The following PCDH11Y variants were observed in gnomAD, a reference collection of about 807,000 sequenced individuals.
The protein encoded by PCDH11Y is protocadherin 11 Y-linked.
For synonymous variants in PCDH11Y, 9 were observed against 83.6 expected, an observed-to-expected ratio of 0.11 and a Z score of 4.87; for missense variants, 12 against 224.8, an observed-to-expected ratio of 0.05 and a Z score of 6.05.
intron 4 of PCDH11Y, among the ~76,000 whole-genome samples, chrY:5,733,435 A>G (rs2053607188): frequency 3.5e-5 from 1 of 28,919 alleles, no homozygotes; most frequent in African/African-American, 1.4e-4. Flanking sequence ...CTGTAACCCT[A>G]TGTAGTTTCG....
At chrY:5,021,027 A>G (rs2052568852) in intron 1 of PCDH11Y, among the ~76,000 whole-genome samples, 3 of 33,839 alleles carry the variant, frequency 8.9e-5, no homozygotes, top group Admixed American at 8.0e-4. Context: ...TAGATCATTT[A>G]AGGTTTCATT....
intron 2 of PCDH11Y, among the ~76,000 whole-genome samples, chrY:5,203,525 C>T (rs1602885844): frequency 3.2e-5 from 1 of 31,640 alleles, no homozygotes. Context: ...TCCACAAGGG[C>T]ATTTTTGTCT....
At chrY:5,449,790 C>T in intron 2 of PCDH11Y, among the ~76,000 whole-genome samples, 1 of 33,388 alleles carries the variant, frequency 3.0e-5, no homozygotes, top group Non-Finnish European at 7.4e-5. Context: ...GAAAATCACA[C>T]TTACAATGAG....
chrY:5,269,373 T>C, intron 2 of PCDH11Y, among the ~76,000 whole-genome samples: 1 of 33,476 alleles, frequency 3.0e-5, no homozygotes, highest in Non-Finnish European at 7.5e-5. Context: ...TACTATAGTG[T>C]TTTCTGATTG....
chrY:5,220,775 G>A, intron 2 of PCDH11Y, among the ~76,000 whole-genome samples: 1 of 20,258 alleles, frequency 4.9e-5, no homozygotes, highest in Non-Finnish European at 1.1e-4. Context: ...GGAGTGCAAT[G>A]GTGCAATCTC....
intron 4 of PCDH11Y, among the ~76,000 whole-genome samples, chrY:5,600,691 C>G: frequency 3.2e-5 from 1 of 31,449 alleles, no homozygotes; most frequent in East Asian, 8.7e-4. Context: ...AATTCTGAGC[C>G]TTTACTCTGT....
intron 2 of PCDH11Y, among the ~76,000 whole-genome samples, chrY:5,443,148 A>G: frequency 9.1e-5 from 3 of 32,832 alleles, no homozygotes; most frequent in African/African-American, 3.5e-4. Context: ...TCCTTTATGA[A>G]TATGGATGTA....
At chrY:5,035,025 C>T in intron 3 of PCDH11Y, among the ~76,000 whole-genome samples, 1 of 31,929 alleles carries the variant, frequency 3.1e-5, no homozygotes, top group Non-Finnish European at 7.7e-5. Context: ...TGCTAGGCCT[C>T]GGAGTTTAGA....
At chrY:5,367,806 T>C (rs1602912786) in intron 2 of PCDH11Y, among the ~76,000 whole-genome samples, 3 of 26,646 alleles carry the variant, frequency 1.1e-4, no homozygotes, top group Admixed American at 3.6e-4. Flanking sequence ...TGCATGCACA[T>C]ACACACACAC....
At chrY:5,542,747 T>C in intron 3 of PCDH11Y, among the ~76,000 whole-genome samples, 2 of 32,102 alleles carry the variant, frequency 6.2e-5, no homozygotes, top group African/African-American at 2.4e-4. Context: ...ACCCTTGATT[T>C]TCAAGGAGGG....
At chrY:5,653,893 G>A (rs2124706490) in intron 4 of PCDH11Y, among the ~76,000 whole-genome samples, 3 of 32,823 alleles carry the variant, frequency 9.1e-5, no homozygotes, top group Non-Finnish European at 2.3e-4. Flanking sequence ...AGGGAAGCCC[G>A]TCAGACTAAC....
chrY:5,637,324 T>G, intron 4 of PCDH11Y, among the ~76,000 whole-genome samples: 1 of 33,963 alleles, frequency 2.9e-5, no homozygotes, highest in East Asian at 7.8e-4. Flanking sequence ...CTCTTTCCTA[T>G]CTGCCTTAAA....
At chrY:5,065,796 C>T in intron 1 of PCDH11Y, among the ~76,000 whole-genome samples, 1 of 31,912 alleles carries the variant, frequency 3.1e-5, no homozygotes, top group African/African-American at 1.2e-4. Context: ...TTTGTCTCCT[C>T]GTGGCCCTCC....
At chrY:5,105,988 C>A, downstream of PCDH11Y, among the ~76,000 whole-genome samples, 2 of 32,659 alleles carry the variant, frequency 6.1e-5, no homozygotes, top group Non-Finnish European at 1.5e-4. Context: ...AAATATACAT[C>A]ATTGCTTTGA....
chrY:5,129,438 A>AACACAC (rs753570084), intron 2 of PCDH11Y, among the ~76,000 whole-genome samples: 62 of 18,913 alleles, frequency 3.3e-3, no homozygotes, highest in African/African-American at 0.012. Flanking sequence ...CACCACCCTC[A>AACACAC]ACACACACAC....
chrY:5,680,847 A>G (rs2053557782), intron 4 of PCDH11Y, among the ~76,000 whole-genome samples: 1 of 32,509 alleles, frequency 3.1e-5, no homozygotes, highest in Non-Finnish European at 7.5e-5. Flanking sequence ...CATTATCTAG[A>G]TAAATAGCCT....
At chrY:5,155,655 G>GTT in intron 2 of PCDH11Y, among the ~76,000 whole-genome samples, 2 of 31,020 alleles carry the variant, frequency 6.4e-5, no homozygotes, top group East Asian at 1.8e-3. Flanking sequence ...GCGATGTCAT[G>GTT]TTTTTTTTTA....
At chrY:5,244,815 G>T in intron 2 of PCDH11Y, among the ~76,000 whole-genome samples, 1 of 33,964 alleles carries the variant, frequency 2.9e-5, no homozygotes, top group African/African-American at 1.1e-4. Flanking sequence ...GGGAGGGGTG[G>T]CAACCAGCAT....
chrY:5,706,255 A>G, intron 4 of PCDH11Y, among the ~76,000 whole-genome samples: 1 of 32,530 alleles, frequency 3.1e-5, no homozygotes, highest in African/African-American at 1.2e-4. Context: ...GACCTTTATC[A>G]TACGAAATTT....
Sources: allele counts gnomAD v4.1 joint callset (sites outside exome capture counted in the v4.1 genomes callset), GRCh38; gene constraint gnomAD v4.1.1; transcripts MANE v1.5; gene names NCBI Gene and HGNC (gene_info 2026-07-23, HGNC 2026-07-21).